FLII: variants seen among roughly 807,000 people sequenced by gnomAD.
FLII encodes the protein protein flightless-1 homolog.
A neutral mutation model predicts 156.2 loss-of-function variants in FLII; 101 were observed. The ratio of observed to expected loss-of-function variants is 0.65; its 90% CI spans 0.55 to 0.76. The LOEUF (loss-of-function observed/expected upper bound fraction) is 0.76, where lower values mean the gene tolerates loss of function less well. Ranked by LOEUF, FLII falls within the 30% of genes least tolerant of loss-of-function variation. The pLI, the probability that FLII is intolerant of heterozygous loss-of-function variation, is 0.00. For synonymous variants in FLII, 767 were observed against 685.8 expected, an observed-to-expected ratio of 1.12 and a Z score of -1.85; for missense variants, 1,675 against 1,682.8, an observed-to-expected ratio of 1.00 and a Z score of 0.08.
At position 18,248,646 on chromosome 17, in the gene FLII, C is replaced by A. The variant is rs760908048; in HGVS notation, c.2094G>T (p.Glu698Asp). The change falls in exon 18 of 30, where the codon GAG becomes GAT. Residue 698 changes from glutamate to aspartate, a missense_variant. Glu to Asp is a conservative substitution (Grantham distance 45). This residue lies in a region of FLII where 1,332 missense variants were observed against 1,269.3 expected (regional missense o/e 1.05). Transcript: ENST00000327031. ...AEITLLVQGQ[E>D]LPEFWEALGG... ...CCAGTGCCTCCCAGAACTCTGGGAG[C>A]TCCTGGCCCTGCACCAGCAGTGTGA... The A allele has an allele frequency of 6.2e-7, 1 of 1,613,884 alleles. No individual in the cohort carries two copies. The highest frequency in any genetic ancestry group is 8.5e-7 in the Non-Finnish European group (1 of 1,179,840).
Position 18,258,364 on chromosome 17 carries a change from G to T in FLII, c.63+264C>A, listed in dbSNP as rs1597928970. The T allele has an allele frequency of 2.4e-5, 22 of 898,064 alleles. No homozygotes were observed. In the East Asian group the frequency reaches 6.9e-4, roughly 28 times the overall value. 55.6% of individuals were successfully genotyped at this position (898,064 alleles called of 1,614,324 possible). On this transcript the variant is annotated intron_variant, in intron 1 of 29. Coordinates refer to ENST00000327031, the MANE Select transcript of FLII (RefSeq NM_002018.4). This position sits in a 1 kb window ranked among gnomAD's most constrained non-coding sequence, Gnocchi z 4.2. ...CCTAGACCGAGAACACGGACGCGGG[G>T]TGGGGGCTCCCGGCCGGGCCCCCGG... is the stretch of plus-strand genomic sequence containing the variant.
Position 18,248,728 on chromosome 17 carries a change from G to A in FLII, c.2019-7C>T, listed in dbSNP as rs2048166394. On this transcript the variant is annotated splice_region_variant and splice_polypyrimidine_tract_variant and intron_variant, in intron 17 of 29. Coordinates refer to ENST00000327031, the MANE Select transcript of FLII (RefSeq NM_002018.4). Reference sequence around the variant, plus strand: ...AATTTTCTCTGCAAAGAGCCTGAGAGCAGGATGCAAAGTCATCAGCGAGGC... The same window carrying A: ...AATTTTCTCTGCAAAGAGCCTGAGAACAGGATGCAAAGTCATCAGCGAGGC... 6.2e-7 allele frequency: 1 copy of A among 1,613,878 alleles called. No homozygotes were observed. The highest frequency in any genetic ancestry group is 8.5e-7 in the Non-Finnish European group (1 of 1,179,776).
rs912982431 is a variant in FLII, at chr17:18,258,691, G to C, written c.-1C>G. The C allele has an allele frequency of 2.0e-5, 30 of 1,493,286 alleles. No homozygotes were observed. The highest frequency in any genetic ancestry group is 4.4e-5 in the Admixed American group (2 of 45,262). The allele number at this position is 1,493,286 out of a possible 1,614,324, so 92.5% of individuals were successfully genotyped here. ...ACGGCAGCACCCCGGTGGCCTCCAT[G>C]GCGCCGCTCTCGCTGCCGGGCCGCG... On this transcript the variant is annotated 5_prime_UTR_variant, in exon 1 of 30. Transcript: ENST00000327031. This position sits in a 1 kb window ranked among gnomAD's most constrained non-coding sequence, Gnocchi z 4.2.
rs949577254 is a variant in FLII at position 18,253,632 on chromosome 17, T to C, written c.767A>G (p.Asn256Ser). The C allele has an allele frequency of 1.2e-6, 2 of 1,613,962 alleles. No homozygotes were observed. Among genetic ancestry groups the C allele is most frequent in the South Asian group, 1.1e-5 (1 of 91,090 alleles). The change falls in exon 8 of 30, where the codon AAC (asparagine) becomes AGC (serine). Residue 256 changes from asparagine (N) to serine (S), a missense_variant. This residue lies in a region of FLII where 343 missense variants were observed against 413.5 expected (regional missense o/e 0.83). Coordinates refer to ENST00000327031, the MANE Select transcript of FLII (RefSeq NM_002018.4). ...GCACAGGGACAGCTCCGTGATCTGG[T>C]TGCTGCTGAGGTTGAGGCGGCGCAG... is the stretch of plus-strand genomic sequence containing the variant. ...PSLRRLNLSSNQITELSLCID... is the reference protein window; with the variant it reads ...PSLRRLNLSSSQITELSLCID...
rs2048239869 is a variant in FLII, at chr17:18,250,835, C to T, written c.1776+3G>A. The T allele has an allele frequency of 4.0e-5, 64 of 1,607,034 alleles. No individual in the cohort carries two copies. Among genetic ancestry groups the T allele is most frequent in the Non-Finnish European group, 5.2e-5 (61 of 1,174,844 alleles). ...CCCACCCCCAATTTTAACGGGCTGG[C>T]ACCTGCAGGAACTCCTCGCTCTCAT... On this transcript the variant is annotated splice_donor_region_variant and intron_variant, in intron 14 of 29. Coordinates refer to ENST00000327031, the MANE Select transcript of FLII (RefSeq NM_002018.4).
Position 18,253,436 on chromosome 17 carries a change from T to C in FLII, c.878A>G (p.Lys293Arg). Residue 293 changes from lysine (K) to arginine (R), a missense_variant, in exon 9 of 30, where the codon AAG becomes AGG. Physicochemically the swap from Lys to Arg is conservative, Grantham distance 26 (BLOSUM62 2). Transcript: ENST00000327031. ...SLPSAICKLS[K>R]LKKLYLNSNK... ...GGAATTCAGGTACAGCTTCTTCAGCTTGCTCAGCTTGCAAATGGCTGACTG... is the reference window on the plus strand; with the variant it reads ...GGAATTCAGGTACAGCTTCTTCAGCCTGCTCAGCTTGCAAATGGCTGACTG... 3 of 1,613,852 alleles carry C rather than the reference T, an allele frequency of 1.9e-6. No homozygotes were observed. Among genetic ancestry groups the C allele is most frequent in the Non-Finnish European group, 8.5e-7 (1 of 1,180,024 alleles).
At position 18,250,977 on chromosome 17, in the gene FLII, T is replaced by C; in HGVS notation, c.1637A>G (p.Tyr546Cys). 6.2e-7 allele frequency: 1 copy of C among 1,613,746 alleles called. No individual in the cohort carries two copies. The highest frequency in any genetic ancestry group is 8.5e-7 in the Non-Finnish European group (1 of 1,179,866). The stretch of plus-strand genomic sequence containing the variant: ...TGTGGCCTCCCCGCCAATCCAGTAG[T>C]AGATCTCCCAGTTGAGGGAGCCGCT... Reference protein sequence around the residue: ...DDSGSLNWEIYYWIGGEATLD... With the variant: ...DDSGSLNWEICYWIGGEATLD... The change falls in exon 14 of 30, where the codon TAC (tyrosine) becomes TGC (cysteine). Residue 546 changes from tyrosine (Y) to cysteine (C), a missense_variant. Physicochemically the swap from Tyr to Cys is radical, Grantham distance 194 (BLOSUM62 -2). This residue lies in a region of FLII where 1,332 missense variants were observed against 1,269.3 expected (regional missense o/e 1.05). Coordinates refer to ENST00000327031, the MANE Select transcript of FLII (RefSeq NM_002018.4).
At chr17:18,251,219 GAAGGTA>G (rs749735362) in intron 13 of FLII, 40 bp downstream of exon 13, 1 of 1,583,872 alleles carries the variant, frequency 6.3e-7, no homozygotes, top group Admixed American at 1.7e-5. Context: ...CATCTTAGAG[GAAGGTA>G]CTGGGCCACA....
At chr17:18,255,315 G>A (rs759719308) in intron 3 of FLII, 52 bp from the exon 4 acceptor site, 2 of 1,466,884 alleles carry the variant, frequency 1.4e-6, no homozygotes, top group Non-Finnish European at 1.9e-6. Context: ...TCTCAGGAAG[G>A]AACAGAGTCT....
Position 18,247,956 on chromosome 17 carries a change from C to A in FLII, c.2268G>T (p.Lys756Asn). 6.2e-7 allele frequency: 1 copy of A among 1,614,196 alleles called. No individual in the cohort carries two copies. Among genetic ancestry groups the A allele is most frequent in the Non-Finnish European group, 8.5e-7 (1 of 1,180,002 alleles). The change falls in exon 19 of 30, where the codon AAG (lysine) becomes AAT (asparagine). Residue 756 changes from lysine to asparagine, a missense_variant. Transcript: ENST00000327031. Reference protein sequence around the residue: ...KLSVEHKQRPKVELMPRMRLL... With the variant: ...KLSVEHKQRPNVELMPRMRLL... ...GCCGCATTCTTGGCATCAGCTCCAC[C>A]TTGGGACGCTGCTTATGTTCCACGG...
upstream of FLII, chr17:18,258,741 G>C: frequency 8.0e-7 from 1 of 1,256,240 alleles, no homozygotes; most frequent in Non-Finnish European, 1.0e-6. The surrounding 1 kb of genome is among the most constrained non-coding windows in gnomAD (Gnocchi z 4.2). Flanking sequence ...GCCGGGGCGA[G>C]GGCGCTGGGG....
rs61739463 is a variant in FLII, at chr17:18,254,171, G to A, written c.587C>T (p.Ala196Val). 1.3e-4 allele frequency: 207 copies of A among 1,605,984 alleles called. No homozygotes were observed. The highest frequency in any genetic ancestry group is 6.1e-4 in the Admixed American group (36 of 59,332). Residue 196 changes from alanine (A) to valine (V), a missense_variant, in exon 7 of 30, where the codon GCG becomes GTG. Physicochemically the swap from Ala to Val is moderately conservative, Grantham distance 64. This residue lies in a region of FLII where 343 missense variants were observed against 413.5 expected (regional missense o/e 0.83). Transcript: ENST00000327031. ...GTGCAGGGTCTGCAGGGCCGTCATC[G>A]CTGGGAGCTGCCTGCCAGGGTGACG... ...LLHAQLRQLP[A>V]MTALQTLHLR... is the part of the protein sequence containing the mutation.
At chr17:18,249,293 G>A (rs764675589) in intron 15 of FLII, 33 bp downstream of exon 15, 36 of 1,611,602 alleles carry the variant, frequency 2.2e-5, no homozygotes, top group Middle Eastern at 1.6e-4. Context: ...GCAGACTCCA[G>A]GTCCATACCC....
intron 16 of FLII, 62 bp downstream of exon 16, chr17:18,249,065 C>G: frequency 6.8e-7 from 1 of 1,477,670 alleles, no homozygotes; most frequent in Non-Finnish European, 9.4e-7. Flanking sequence ...CCCACACCTG[C>G]CCCCACTGGT....
Position 18,258,550 on chromosome 17 carries a change from A to G in FLII, c.63+78T>C. The stretch of plus-strand genomic sequence containing the variant: ...CACGCAGGGCCTGGAGCCGAGCGGG[A>G]CAGGAAGCGGAGGCCAAGCGGGCCG... On this transcript the variant is annotated intron_variant, in intron 1 of 29. Transcript: ENST00000327031. This position sits in a 1 kb window ranked among gnomAD's most constrained non-coding sequence, Gnocchi z 4.2. The G allele has an allele frequency of 6.6e-7, 1 of 1,520,378 alleles. No homozygotes were observed. The highest frequency in any genetic ancestry group is 8.8e-7 in the Non-Finnish European group (1 of 1,141,082). The allele number at this position is 1,520,378 out of a possible 1,614,324, so 94.2% of individuals were successfully genotyped here.
chr17:18,246,080 G>C lies in FLII; in HGVS notation c.3268-18C>G. ...AAGGGAACCTGGGGAGTGTGCAGGG[G>C]TGGGGGTGTTCGCAGCTGACTCAGC... On this transcript the variant is annotated intron_variant, in intron 25 of 29. Coordinates refer to ENST00000327031, the MANE Select transcript of FLII (RefSeq NM_002018.4). The C allele has an allele frequency of 6.2e-7, 1 of 1,614,100 alleles. No homozygotes were observed. Among genetic ancestry groups the C allele is most frequent in the Non-Finnish European group, 8.5e-7 (1 of 1,180,006 alleles).
chr17:18,247,541 G>T, intron 20 of FLII, 116 bp downstream of exon 20: 1 of 1,114,924 alleles, frequency 9.0e-7, no homozygotes, highest in Non-Finnish European at 1.2e-6. Flanking sequence ...GGCAGAGTCA[G>T]CAAAGAGGAG....
Position 18,245,025 on chromosome 17 carries a change from G to A in FLII, c.*113C>T. The A allele has an allele frequency of 8.4e-7, 1 of 1,187,962 alleles. No homozygotes were observed. The highest frequency in any genetic ancestry group is 2.4e-5 in the East Asian group (1 of 42,510). The allele number at this position is 1,187,962 out of a possible 1,614,324, so 73.6% of individuals were successfully genotyped here. ...GCTGCTTGAGGCTACTGGGGACTGT[G>A]GCACTGGACGTGGCTGGAGCAGGTG... is the stretch of plus-strand genomic sequence containing the variant. On this transcript the variant is annotated 3_prime_UTR_variant, in exon 30 of 30. Transcript: ENST00000327031.
chr17:18,258,204 G>T lies in FLII; in HGVS notation c.63+424C>A, dbSNP rs2048485644. Among the ~76,000 whole-genome samples, 4 of 152,218 alleles carry T rather than the reference G, an allele frequency of 2.6e-5. No homozygotes were observed. Among genetic ancestry groups the T allele is most frequent in the African/African-American group, 2.4e-5 (1 of 41,468 alleles). On this transcript the variant is annotated intron_variant, in intron 1 of 29. Transcript: ENST00000327031. This position sits in a 1 kb window ranked among gnomAD's most constrained non-coding sequence, Gnocchi z 4.2. ...CACAGTATGGCGGGTGGCGGTGGCG[G>T]GGAGAGGGCAGTGATGAGTCGGCTC...
Sources: gnomAD v4.1 joint callset for allele counts (sites outside exome capture counted in the v4.1 genomes callset) on GRCh38, gnomAD v4.1.1 for gene constraint, gnomAD v4.1.1 regional missense constraint, Gnocchi (gnomAD v3.1) non-coding constraint, MANE v1.5 for transcripts, NCBI Gene and HGNC (gene_info 2026-07-23, HGNC 2026-07-21) for gene names.